The following SYNE1 variants were observed in gnomAD, a reference collection of about 807,000 sequenced individuals.
SYNE1 encodes spectrin repeat containing nuclear envelope protein 1, also known as nesprin-1.
SYNE1 carries 616 observed loss-of-function variants against 1,111.0 expected under a neutral mutation model. That is an observed-to-expected ratio of 0.55 (90% CI 0.52 to 0.59). The LOEUF (loss-of-function observed/expected upper bound fraction) is 0.59. Ranked by LOEUF, SYNE1 falls within the 20% of genes least tolerant of loss-of-function variation. SYNE1 has a pLI of 0.00. For missense variants in SYNE1, 10,006 were observed against 10,417.0 expected, an observed-to-expected ratio of 0.96 and a Z score of 1.72; for synonymous variants, 3,855 against 3,825.8, an observed-to-expected ratio of 1.01 and a Z score of -0.28.
chr6:152,203,112 G>T (rs1713068144), intron 126 of SYNE1, among the ~76,000 whole-genome samples: 2 of 152,192 alleles, frequency 1.3e-5, no homozygotes, highest in South Asian at 4.1e-4. Context: ...AGGTTACACA[G>T]CAAACTGGTA....
intron 3 of SYNE1, among the ~76,000 whole-genome samples, chr6:152,614,587 G>C (rs1324672230): frequency 6.6e-6 from 1 of 152,140 alleles, no homozygotes; most frequent in Non-Finnish European, 1.5e-5. Flanking sequence ...ATTCCTCAAG[G>C]ATCTAGAACT....
chr6:152,420,495 C>T (rs1290089131), intron 39 of SYNE1, among the ~76,000 whole-genome samples: 1 of 152,118 alleles, frequency 6.6e-6, no homozygotes, highest in African/African-American at 2.4e-5. Context: ...TGGTGCACAC[C>T]TGTAATCCCA....
intron 87 of SYNE1, among the ~76,000 whole-genome samples, chr6:152,312,852 G>A (rs1043166040): frequency 2.2e-4 from 33 of 151,928 alleles, no homozygotes; most frequent in African/African-American, 8.0e-4. Flanking sequence ...TTTTTCACCC[G>A]ACCTTAGCGT....
intron 35 of SYNE1, 80 bp from the exon 36 acceptor site, chr6:152,430,290 C>T: frequency 1.6e-6 from 2 of 1,266,588 alleles, no homozygotes; most frequent in Non-Finnish European, 2.3e-6. Context: ...GAGAAAATGG[C>T]ATACCTACCT....
chr6:152,244,887 G>A lies in SYNE1; in HGVS notation c.19573-231C>T, dbSNP rs1049794862. 3.9e-5 allele frequency among the ~76,000 whole-genome samples: 6 copies of A among 152,244 alleles called. No individual in the cohort carries two copies. The South Asian group carries it at 1.2e-3, about 32-fold the overall frequency. ...CAGTTATCTTACAGATAATGAGGCA[G>A]GAGAAAGTCAGGGTAGAGGGCTGGG... On this transcript the variant is annotated intron_variant, in intron 105 of 145. Transcript: ENST00000367255.
At chr6:152,140,988 T>C (rs2058408773) in intron 139 of SYNE1, among the ~76,000 whole-genome samples, 1 of 152,104 alleles carries the variant, frequency 6.6e-6, no homozygotes, top group Admixed American at 6.5e-5. Context: ...TGAGCCGAGA[T>C]AGCGCCACTG....
Position 152,321,344 on chromosome 6 carries a change from A to T in SYNE1, c.16130T>A (p.Met5377Lys). Residue 5377 changes from methionine (M) to lysine (K), a missense_variant, in exon 84 of 146, where the codon ATG (methionine) becomes AAG (lysine). Met to Lys is a moderately conservative substitution (Grantham distance 95, BLOSUM62 -1). Transcript: ENST00000367255. ...GTACTTCTCCTTCTGTTCTTCTGCC[A>T]TTTTTTCAATGTTCTGTCGGTGATT... ...ATNHRQNIEK[M>K]AEEQKEKYLG... 1 of 1,613,878 alleles carries T rather than the reference A, an allele frequency of 6.2e-7. No individual in the cohort carries two copies. Among genetic ancestry groups the T allele is most frequent in the Non-Finnish European group, 8.5e-7 (1 of 1,179,908 alleles).
At chr6:152,371,856 A>C (rs1370189077) in intron 59 of SYNE1, among the ~76,000 whole-genome samples, 1 of 6,848 alleles carries the variant, frequency 1.5e-4, no homozygotes, top group Middle Eastern at 0.024. Flanking sequence ...AGGAAAGGAA[A>C]GGAAAGGAAA....
chr6:152,180,031 C>T (rs2067551405), intron 129 of SYNE1, 105 bp downstream of exon 129: 1 of 1,246,656 alleles, frequency 8.0e-7, no homozygotes, highest in Non-Finnish European at 1.2e-6. Flanking sequence ...ATATACTGCT[C>T]CTTTGACAGG....
chr6:152,513,771 A>T (rs889112800), intron 6 of SYNE1, among the ~76,000 whole-genome samples: 4 of 152,190 alleles, frequency 2.6e-5, no homozygotes, highest in African/African-American at 9.7e-5. Context: ...AGGAACTTAA[A>T]CAAATTTACA....
chr6:152,608,465 G>T (rs2099622285), intron 3 of SYNE1, among the ~76,000 whole-genome samples: 1 of 152,158 alleles, frequency 6.6e-6, no homozygotes. Context: ...TCAGAAGAGA[G>T]CTAAAAAGGC....
intron 61 of SYNE1, chr6:152,367,969 A>C (rs969788571): frequency 8.3e-5 from 13 of 155,830 alleles, no homozygotes; most frequent in African/African-American, 2.9e-4. Context: ...TTCTTCATTC[A>C]TTCTAAGATG....
chr6:152,609,971 C>T (rs1021389055), intron 3 of SYNE1, among the ~76,000 whole-genome samples: 1 of 152,164 alleles, frequency 6.6e-6, no homozygotes, highest in South Asian at 2.1e-4. Flanking sequence ...AGGACATCTA[C>T]AGCAAAATCC....
At chr6:152,202,243 A>C (rs2075615298) in intron 126 of SYNE1, among the ~76,000 whole-genome samples, 1 of 147,246 alleles carries the variant, frequency 6.8e-6, no homozygotes, top group Non-Finnish European at 1.5e-5. Context: ...GCTACTCAGA[A>C]GGCTGAGGCA....
Position 152,284,028 on chromosome 6 carries a change from G to A in SYNE1, c.18157C>T (p.Arg6053Ter), listed in dbSNP as rs1562775040. 2 of 1,614,190 alleles carry A rather than the reference G, an allele frequency of 1.2e-6. No individual in the cohort carries two copies. The highest frequency in any genetic ancestry group is 2.2e-5 in the East Asian group (1 of 44,880). Residue 6053 changes from arginine (R) to a stop codon, truncating the protein, a stop_gained, in exon 96 of 146, where the codon CGA becomes TGA. Coordinates refer to ENST00000367255, the MANE Select transcript of SYNE1 (RefSeq NM_182961.4). LOFTEE classifies it high-confidence loss of function. ...GCTTTCATCCTGATGGTGGACATTCGCTCGGCTAAGACAGTGAGCGTGGAC... is the reference window on the plus strand; with the variant it reads ...GCTTTCATCCTGATGGTGGACATTCACTCGGCTAAGACAGTGAGCGTGGAC... ...LQSTLTVLAE[R>*]MSTIRMKASG...
In SYNE1 at chr6:152,310,663, GTTTCTTTTTTT is replaced by G. The variant is rs1562964384; in HGVS notation, c.16896+14_16896+24del. 1 of 1,609,466 alleles carries G rather than the reference GTTTCTTTTTTT, an allele frequency of 6.2e-7. No individual in the cohort carries two copies. The highest frequency in any genetic ancestry group is 2.2e-5 in the East Asian group (1 of 44,852). On this transcript the variant is annotated intron_variant, in intron 88 of 145. Coordinates refer to ENST00000367255, the MANE Select transcript of SYNE1 (RefSeq NM_182961.4). ...CTTTCAATGATAGACATTTTTTTCT[GTTTCTTTTTTT>G]TTTCTTTTTTTACCTTAGCTGCATC...
At position 152,321,246 on chromosome 6, in the gene SYNE1, G is replaced by A. The variant is rs761432453; in HGVS notation, c.16228C>T (p.Arg5410Ter). 2.5e-6 allele frequency: 4 copies of A among 1,613,552 alleles called. No homozygotes were observed. The highest frequency in any genetic ancestry group is 2.2e-5 in the South Asian group (2 of 91,042). ...LAEVALDLKI[R>*]DQIQDKIKEV... ...CTTGATCATAGGTTTACCTGATCTC[G>A]GATCTTTAGATCTAACGCCACTTCA... The change falls in exon 84 of 146, where the codon CGA becomes TGA. Residue 5410 changes from arginine to a stop codon, truncating the protein, a stop_gained. Coordinates refer to ENST00000367255, the MANE Select transcript of SYNE1 (RefSeq NM_182961.4). LOFTEE classifies it high-confidence loss of function.
At chr6:152,385,485 T>G (rs151293117) in intron 55 of SYNE1, among the ~76,000 whole-genome samples, 189 bp downstream of exon 55, 1 of 152,364 alleles carries the variant, frequency 6.6e-6, no homozygotes, top group East Asian at 1.9e-4. Context: ...AATGTTACAT[T>G]GTGCTCATAA....
At chr6:152,309,033 T>C (rs1412845784) in intron 90 of SYNE1, among the ~76,000 whole-genome samples, 1 of 152,088 alleles carries the variant, frequency 6.6e-6, no homozygotes, top group Non-Finnish European at 1.5e-5. Context: ...AAATACGAAT[T>C]ATGGGCTGGG....
Sources: allele counts gnomAD v4.1 joint callset (sites outside exome capture counted in the v4.1 genomes callset), GRCh38; gene constraint gnomAD v4.1.1; transcripts MANE v1.5; gene names NCBI Gene and HGNC (gene_info 2026-07-23, HGNC 2026-07-21).